AIM2: variants seen among roughly 807,000 people sequenced by gnomAD.
AIM2 encodes absent in melanoma 2, also known as interferon-inducible protein AIM2.
AIM2 carries 30 observed loss-of-function variants against 27.7 expected under a neutral mutation model. The ratio of observed to expected loss-of-function variants is 1.08; its 90% CI spans 0.81 to 1.47. The LOEUF (loss-of-function observed/expected upper bound fraction) is 1.47. Among genes scored for constraint, AIM2 ranks in the 40% most tolerant of loss-of-function variants. The pLI is 0.00. For missense variants in AIM2, 358 were observed against 411.3 expected, an observed-to-expected ratio of 0.87 and a Z score of 1.12; for synonymous variants, 141 against 145.3, an observed-to-expected ratio of 0.97 and a Z score of 0.21.
At chr1:159,107,239 G>A (rs1225160393) in intron 1 of AIM2, among the ~76,000 whole-genome samples, 1 of 152,138 alleles carries the variant, frequency 6.6e-6, no homozygotes, top group Non-Finnish European at 1.5e-5. Context: ...TTGAGGAAAT[G>A]AGCCACAGTT....
intron 1 of AIM2, among the ~76,000 whole-genome samples, chr1:159,098,309 C>A (rs181774621): frequency 6.6e-6 from 1 of 152,314 alleles, no homozygotes; most frequent in Admixed American, 6.5e-5. Context: ...GAGAGCTATA[C>A]AGACAGTCCC....
At chr1:159,113,252 A>G (rs1051591314) in intron 1 of AIM2, among the ~76,000 whole-genome samples, 2 of 152,154 alleles carry the variant, frequency 1.3e-5, no homozygotes, top group African/African-American at 4.8e-5. Context: ...CCCAAATCTA[A>G]TATTACATGA....
chr1:159,110,765 C>T (rs1413106992), intron 1 of AIM2, among the ~76,000 whole-genome samples: 1 of 152,158 alleles, frequency 6.6e-6, no homozygotes, highest in Non-Finnish European at 1.5e-5. Flanking sequence ...CTGCACCAAG[C>T]AGACAACTGA....
rs114667580 is a variant in AIM2 at position 159,068,562 on chromosome 1, T to A, written c.396+6A>T. 1.5e-3 allele frequency: 2,372 copies of A among 1,610,286 alleles called. 32 individuals are homozygous for A. The African/African-American group carries it at 0.029, about 19-fold the overall frequency. On this transcript the variant is annotated splice_donor_region_variant and intron_variant, in intron 3 of 5. Coordinates refer to ENST00000368130, the MANE Select transcript of AIM2 (RefSeq NM_004833.3). ...GACAAAGACCACTCCACTCTCCTTATCCTACCTTAACATGAGGAGAGACTT... is the reference window on the plus strand; with the variant it reads ...GACAAAGACCACTCCACTCTCCTTAACCTACCTTAACATGAGGAGAGACTT...
At chr1:159,144,629 CA>C (rs555686959), upstream of AIM2, among the ~76,000 whole-genome samples, 55 of 148,524 alleles carry the variant, frequency 3.7e-4, no homozygotes, top group Non-Finnish European at 5.5e-4. Flanking sequence ...ATTCACCTTC[CA>C]AAAAAAAAAT....
At chr1:159,088,320 A>G (rs1656964540) in intron 1 of AIM2, among the ~76,000 whole-genome samples, 1 of 152,312 alleles carries the variant, frequency 6.6e-6, no homozygotes, top group East Asian at 1.9e-4. Context: ...AACATGCCTT[A>G]GAACCATGAG....
At chr1:159,124,208 A>T (rs183894809) in intron 1 of AIM2, among the ~76,000 whole-genome samples, 1 of 152,280 alleles carries the variant, frequency 6.6e-6, no homozygotes, top group East Asian at 1.9e-4. Context: ...TTTTAAAAAA[A>T]ATGATATTTT....
At chr1:159,057,487 A>C (rs932471031), downstream of AIM2, among the ~76,000 whole-genome samples, 38 of 152,172 alleles carry the variant, frequency 2.5e-4, no homozygotes, top group African/African-American at 9.2e-4. Flanking sequence ...TTACTTTCCC[A>C]AAGAGGAAAC....
chr1:159,056,118 C>T, the AIM2 span, among the ~76,000 whole-genome samples: 2 of 152,074 alleles, frequency 1.3e-5, no homozygotes, highest in East Asian at 1.9e-4. Flanking sequence ...AAGTTAGGCT[C>T]GCAGACAATT....
chr1:159,089,299 G>A (rs1451714444), intron 1 of AIM2, among the ~76,000 whole-genome samples: 1 of 152,172 alleles, frequency 6.6e-6, no homozygotes, highest in African/African-American at 2.4e-5. Flanking sequence ...AATGGACTAA[G>A]GTCATACAAT....
intron 1 of AIM2, among the ~76,000 whole-genome samples, chr1:159,093,249 A>G (rs1657088767): frequency 6.6e-6 from 1 of 152,156 alleles, no homozygotes; most frequent in African/African-American, 2.4e-5. Flanking sequence ...TACAAGATCT[A>G]GCATGATACT....
intron 1 of AIM2, among the ~76,000 whole-genome samples, chr1:159,086,331 G>A (rs888216330): frequency 6.6e-6 from 1 of 152,246 alleles, no homozygotes; most frequent in Admixed American, 6.5e-5. Flanking sequence ...CTCGTTGTCA[G>A]TGTCTCTCCT....
chr1:159,062,461 T>C (rs1655867412), downstream of AIM2: 1 of 564,400 alleles, frequency 1.8e-6, no homozygotes, highest in Non-Finnish European at 3.1e-6. Flanking sequence ...ATTGACAAAC[T>C]AAAGGAGATA....
intron 1 of AIM2, among the ~76,000 whole-genome samples, chr1:159,124,163 G>A (rs796610611): frequency 1.3e-5 from 2 of 151,814 alleles, no homozygotes; most frequent in African/African-American, 2.4e-5. Flanking sequence ...TCTGCTCATT[G>A]CTTACTCTCA....
chr1:159,105,684 T>C (rs913901135), intron 1 of AIM2, among the ~76,000 whole-genome samples: 2 of 152,174 alleles, frequency 1.3e-5, no homozygotes, highest in Non-Finnish European at 2.9e-5. Flanking sequence ...CACGTCATCC[T>C]GATGAGCTGA....
intron 4 of AIM2, among the ~76,000 whole-genome samples, chr1:159,064,399 C>G (rs1655986142): frequency 6.6e-6 from 1 of 152,202 alleles, no homozygotes; most frequent in South Asian, 2.1e-4. Context: ...TGGAGCTTCT[C>G]CAGGGCCAGC....
intron 1 of AIM2, among the ~76,000 whole-genome samples, chr1:159,101,204 T>C (rs1007552417): frequency 6.6e-6 from 1 of 152,094 alleles, no homozygotes; most frequent in African/African-American, 2.4e-5. Context: ...CGGGGGTGGT[T>C]TCTCCATGCT....
rs779746705 is a variant in AIM2 at position 159,062,671 on chromosome 1, G to GA, written c.*20dup. The stretch of plus-strand genomic sequence containing the variant: ...AAATGCTGCTTAGACCAGTTGGCTT[G>GA]AATTGGTCCTTTTTACTTCTCTATG... On this transcript the variant is annotated 3_prime_UTR_variant, in exon 6 of 6. Coordinates refer to ENST00000368130, the MANE Select transcript of AIM2 (RefSeq NM_004833.3). 10 of 1,611,130 alleles carry GA rather than the reference G, an allele frequency of 6.2e-6. No individual in the cohort carries two copies. Among genetic ancestry groups the GA allele is most frequent in the Non-Finnish European group, 8.5e-6 (10 of 1,177,710 alleles).
At chr1:159,108,860 A>C (rs185260243) in intron 1 of AIM2, among the ~76,000 whole-genome samples, 30 of 152,326 alleles carry the variant, frequency 2.0e-4, no homozygotes, top group Admixed American at 1.6e-3. Context: ...TTCTACAAGG[A>C]AAACTACAAA....
Sources: allele counts gnomAD v4.1 joint callset (sites outside exome capture counted in the v4.1 genomes callset), GRCh38; gene constraint gnomAD v4.1.1; transcripts MANE v1.5; gene names NCBI Gene and HGNC (gene_info 2026-07-23, HGNC 2026-07-21).